Variants in TRABD observed in about 807,000 individuals in gnomAD.
The protein encoded by TRABD is traB domain-containing protein.
A neutral mutation model predicts 39.6 loss-of-function variants in TRABD; 23 were observed. That is an observed-to-expected ratio of 0.58 (90% CI 0.42 to 0.82). TRABD has a LOEUF of 0.82. TRABD is among the 40% of genes least tolerant of loss of function. The pLI, the probability that TRABD is intolerant of heterozygous loss-of-function variation, is 0.00. For missense variants in TRABD, 487 were observed against 544.9 expected (o/e 0.89, Z 1.06); for synonymous variants, 243 against 232.1 (o/e 1.05, Z -0.43).
rs368315127 is a variant in TRABD at position 50,198,189 on chromosome 22, G to T, written c.956+3G>T. On this transcript the variant is annotated splice_donor_region_variant and intron_variant, in intron 9 of 9. Coordinates refer to ENST00000380909, the MANE Select transcript of TRABD (RefSeq NM_001320485.2). The surrounding 1 kb of genome is among the most constrained non-coding windows in gnomAD (Gnocchi z 7.9). Reference sequence around the variant, plus strand: ...CTCAACATCCAGGAGATCATGACGTGAGTGCCCGCCCCTCCCTGCAAGCCC... The same window carrying T: ...CTCAACATCCAGGAGATCATGACGTTAGTGCCCGCCCCTCCCTGCAAGCCC... 13 of 1,603,712 alleles carry T rather than the reference G, an allele frequency of 8.1e-6. No homozygotes were observed. The highest frequency in any genetic ancestry group is 1.1e-5 in the Non-Finnish European group (13 of 1,175,820).
At chr22:50,193,493 G>A in intron 2 of TRABD, 83 bp from the exon 3 acceptor site, 3 of 1,343,354 alleles carry the variant, frequency 2.2e-6, no homozygotes, top group Non-Finnish European at 3.2e-6. Context: ...CCTTTCCAGG[G>A]TACGTGGTCC....
intron 1 of TRABD, among the ~76,000 whole-genome samples, chr22:50,186,828 A>T (rs1187922746): frequency 6.6e-6 from 1 of 152,208 alleles, no homozygotes; most frequent in Non-Finnish European, 1.5e-5. Context: ...TTTTTAACTG[A>T]GCTATCATGA....
chr22:50,197,192 C>CGGGG, intron 5 of TRABD, 49 bp from the exon 6 acceptor site: 1 of 1,562,608 alleles, frequency 6.4e-7, no homozygotes, highest in African/African-American at 1.4e-5. Context: ...TCCCCCAGCG[C>CGGGG]ACCCCCGCAC....
Position 50,193,599 on chromosome 22 carries a change from G to A in TRABD, c.57G>A (p.Pro19=), listed in dbSNP as rs61473705. Residue 19 remains proline, a synonymous_variant, in exon 3 of 10, where the codon CCG becomes CCA. Coordinates refer to ENST00000380909, the MANE Select transcript of TRABD (RefSeq NM_001320485.2). ...AGGCCAACGTGGAACCTGTTGTGCCGTCAGAGGCTTCAGAGCCGGTGCCCA... is the reference window on the plus strand; with the variant it reads ...AGGCCAACGTGGAACCTGTTGTGCCATCAGAGGCTTCAGAGCCGGTGCCCA... The part of the protein sequence containing the change: ...PHEANVEPVV[P]SEASEPVPRV... 3.8e-3 allele frequency: 6,054 copies of A among 1,613,798 alleles called. 214 individuals are homozygous for A. In the African/African-American group the frequency reaches 0.071, roughly 19 times the overall value.
intron 1 of TRABD, among the ~76,000 whole-genome samples, chr22:50,188,554 G>T (rs1221420330): frequency 1.3e-5 from 2 of 152,214 alleles, no homozygotes; most frequent in African/African-American, 4.8e-5. Context: ...TCCTTACCCG[G>T]GGGAGCAAGA....
intron 5 of TRABD, 50 bp from the exon 6 acceptor site, chr22:50,197,191 G>GCGGGGGGC: frequency 6.4e-7 from 1 of 1,553,434 alleles, no homozygotes; most frequent in African/African-American, 1.4e-5. Context: ...TTCCCCCAGC[G>GCGGGGGGC]CACCCCCGCA....
rs2064022893 is a variant in TRABD at position 50,194,418 on chromosome 22, T to C, written c.191T>C (p.Val64Ala). The change falls in exon 4 of 10, where the codon GTG becomes GCG. Residue 64 changes from valine (V) to alanine (A), a missense_variant. Val to Ala is a moderately conservative substitution (Grantham distance 64). Coordinates refer to ENST00000380909, the MANE Select transcript of TRABD (RefSeq NM_001320485.2). Reference protein sequence around the residue: ...RRQRPNLPRTVTQLVAEDGSR... With the variant: ...RRQRPNLPRTATQLVAEDGSR... ...CAGCGGCCCAACCTGCCGCGCACTGTGACCCAGTTGGTGGCTGAGGACGGG... is the reference window on the plus strand; with the variant it reads ...CAGCGGCCCAACCTGCCGCGCACTGCGACCCAGTTGGTGGCTGAGGACGGG... 2 of 1,612,952 alleles carry C rather than the reference T, an allele frequency of 1.2e-6. No individual in the cohort carries two copies. Among genetic ancestry groups the C allele is most frequent in the Non-Finnish European group, 1.7e-6 (2 of 1,179,798 alleles).
In TRABD at chr22:50,198,326, C is replaced by A. The variant is rs201518418; in HGVS notation, c.957-19C>A. ...GGAGCCCACCCCCAGCCAGGCCCAG[C>A]GCCCCCTCCCTCCCACAGCGTGCCC... On this transcript the variant is annotated intron_variant, in intron 9 of 9. Coordinates refer to ENST00000380909, the MANE Select transcript of TRABD (RefSeq NM_001320485.2). The surrounding 1 kb of genome is among the most constrained non-coding windows in gnomAD (Gnocchi z 7.9). The A allele has an allele frequency of 1.0e-5, 16 of 1,544,652 alleles. No individual in the cohort carries two copies.
chr22:50,195,423 C>T lies in TRABD; in HGVS notation c.420+383C>T, dbSNP rs117069858. 5.1e-3 allele frequency among the ~76,000 whole-genome samples: 774 copies of T among 151,730 alleles called. 50 individuals carry two copies. In the East Asian group the frequency reaches 0.13, roughly 25 times the overall value. The stretch of plus-strand genomic sequence containing the variant: ...CCCACTTCTCCAGCCTTGCAGTGAC[C>T]GGAGAGGCAGGACTTTCTCATTGCT... On this transcript the variant is annotated intron_variant, in intron 5 of 9. Transcript: ENST00000380909.
At chr22:50,192,948 T>G in intron 1 of TRABD, 79 bp from the exon 2 acceptor site, 1 of 1,325,822 alleles carries the variant, frequency 7.5e-7, no homozygotes, top group South Asian at 1.3e-5. Context: ...GGTTCTAGAC[T>G]GACAGGGCAC....
At chr22:50,197,776 C>CCCCCCCA in intron 7 of TRABD, 47 bp from the exon 8 acceptor site, 2 of 1,439,450 alleles carry the variant, frequency 1.4e-6, no homozygotes, top group Non-Finnish European at 9.7e-7. Flanking sequence ...CCCACCCCCC[C>CCCCCCCA]AGCCCGTTGC....
chr22:50,194,569 C>G, intron 4 of TRABD, 63 bp downstream of exon 4: 1 of 1,545,912 alleles, frequency 6.5e-7, no homozygotes, highest in Non-Finnish European at 8.7e-7. Context: ...GTCCTGCACT[C>G]AGGGACCTCC....
At chr22:50,186,563 G>A (rs1027524549) in intron 1 of TRABD, among the ~76,000 whole-genome samples, 16 of 152,134 alleles carry the variant, frequency 1.1e-4, no homozygotes, top group African/African-American at 3.9e-4. Flanking sequence ...AGCCACCCCC[G>A]CCTGCCGCCT....
Position 50,197,287 on chromosome 22 carries a change from C to G in TRABD, c.467C>G (p.Ser156Cys). ...GLMQMLLLKV[S>C]AHITEQLGMA... The stretch of plus-strand genomic sequence containing the variant: ...ATGCAGATGCTGCTGCTGAAGGTGT[C>G]TGCACACATCACCGAGCAGCTGGGC... Residue 156 changes from serine (S) to cysteine (C), a missense_variant, in exon 6 of 10, where the codon TCT (serine) becomes TGT (cysteine). Transcript: ENST00000380909. 6.2e-7 allele frequency: 1 copy of G among 1,613,684 alleles called. No homozygotes were observed. Among genetic ancestry groups the G allele is most frequent in the Admixed American group, 1.7e-5 (1 of 60,014 alleles).
At chr22:50,191,030 C>T (rs2147097714) in intron 1 of TRABD, among the ~76,000 whole-genome samples, 1 of 152,322 alleles carries the variant, frequency 6.6e-6, no homozygotes, top group Non-Finnish European at 1.5e-5. Flanking sequence ...GTGGAGCGGG[C>T]CCCCCTTGCC....
chr22:50,190,419 G>A (rs1365122285), intron 1 of TRABD, among the ~76,000 whole-genome samples: 3 of 152,174 alleles, frequency 2.0e-5, no homozygotes, highest in Non-Finnish European at 4.4e-5. Flanking sequence ...GGCCACAGGC[G>A]TACCCTAGGC....
chr22:50,193,644 C>G lies in TRABD; in HGVS notation c.102C>G (p.Pro34=). ...EPVPRVLSGD[P]QNLSDVDAFN... ...TGCCCAGGGTGCTTTCTGGAGACCCCCAGAACCTGTGTACGTGTCCCTCAG... is the reference window on the plus strand; with the variant it reads ...TGCCCAGGGTGCTTTCTGGAGACCCGCAGAACCTGTGTACGTGTCCCTCAG... The change falls in exon 3 of 10, where the codon CCC becomes CCG. Residue 34 remains proline (P), a synonymous_variant. Coordinates refer to ENST00000380909, the MANE Select transcript of TRABD (RefSeq NM_001320485.2). The G allele has an allele frequency of 1.2e-6, 2 of 1,613,758 alleles. No homozygotes were observed. The highest frequency in any genetic ancestry group is 1.7e-6 in the Non-Finnish European group (2 of 1,179,920).
chr22:50,197,288 T>C lies in TRABD; in HGVS notation c.468T>C (p.Ser156=), dbSNP rs368788223. Reference sequence around the variant, plus strand: ...TGCAGATGCTGCTGCTGAAGGTGTCTGCACACATCACCGAGCAGCTGGGCA... The same window carrying C: ...TGCAGATGCTGCTGCTGAAGGTGTCCGCACACATCACCGAGCAGCTGGGCA... The part of the protein sequence containing the change: ...GLMQMLLLKV[S]AHITEQLGMA... The change falls in exon 6 of 10, where the codon TCT becomes TCC. Residue 156 remains serine, a synonymous_variant. Transcript: ENST00000380909. 2.1e-5 allele frequency: 34 copies of C among 1,613,646 alleles called. No individual in the cohort carries two copies. The highest frequency in any genetic ancestry group is 2.0e-4 in the East Asian group (9 of 44,888).
chr22:50,189,505 G>A (rs932142910), intron 1 of TRABD, among the ~76,000 whole-genome samples: 12 of 152,244 alleles, frequency 7.9e-5, no homozygotes, highest in African/African-American at 2.4e-4. Flanking sequence ...GCTTCCCAGC[G>A]GGTTGGCCTT....
Sources: allele counts gnomAD v4.1 joint callset (sites outside exome capture counted in the v4.1 genomes callset), GRCh38; gene constraint gnomAD v4.1.1; non-coding constraint Gnocchi (gnomAD v3.1); transcripts MANE v1.5; gene names NCBI Gene and HGNC (gene_info 2026-07-23, HGNC 2026-07-21).